The following CCDC14 variants were observed in gnomAD, a reference collection of about 807,000 sequenced individuals.
CCDC14 encodes coiled-coil domain containing 14.
CCDC14 carries 71 observed loss-of-function variants against 81.4 expected under a neutral mutation model. The observed-to-expected ratio is 0.87, with a 90% confidence interval of 0.72 to 1.06. The LOEUF is 1.06. CCDC14 is among the 50% of genes least tolerant of loss of function. The pLI, the probability that CCDC14 is intolerant of heterozygous loss-of-function variation, is 0.00. For synonymous variants in CCDC14, 332 were observed against 364.8 expected (o/e 0.91, Z 1.03); for missense variants, 1,046 against 1,047.3 (o/e 1.00, Z 0.02).
intron 5 of CCDC14, chr3:123,952,870 T>C: frequency 9.4e-6 from 2 of 212,250 alleles, no homozygotes; most frequent in South Asian, 1.4e-4. Context: ...AGCAAAATCT[T>C]GTATTATTGG....
Position 123,913,832 on chromosome 3 carries a change from AAG to A in CCDC14, c.*945_*946del. The A allele has an allele frequency of 1.0e-6, 1 of 985,372 alleles. No individual in the cohort carries two copies. The highest frequency in any genetic ancestry group is 1.2e-6 in the Non-Finnish European group (1 of 829,904). The allele number at this position is 985,372 out of a possible 1,614,324, so 61.0% of individuals were successfully genotyped here. A position where few individuals can be genotyped will look rare whatever the true frequency, so the allele number is the denominator to read the frequency against. On this transcript the variant is annotated 3_prime_UTR_variant, in exon 13 of 13. Transcript: ENST00000409697. ...GTGATAACACAACATTCAGCTTCCTAAGAGTTAAAACGTGCTGCTTACATGAA... is the reference window on the plus strand; with the variant it reads ...GTGATAACACAACATTCAGCTTCCTAAGTTAAAACGTGCTGCTTACATGAA...
At chr3:123,922,800 G>T (rs2035131021) in intron 12 of CCDC14, among the ~76,000 whole-genome samples, 1 of 152,032 alleles carries the variant, frequency 6.6e-6, no homozygotes, top group Non-Finnish European at 1.5e-5. Context: ...TTTAAAGAAG[G>T]ATTGAGAATA....
chr3:123,954,605 G>A (rs1577336754), intron 5 of CCDC14: 1 of 151,918 alleles, frequency 6.6e-6, no homozygotes, highest in East Asian at 1.9e-4. Context: ...ATAAATAACT[G>A]AAATTTTGTA....
chr3:123,906,394 A>C (rs2034311534), intron 5 of CCDC14, among the ~76,000 whole-genome samples: 1 of 150,946 alleles, frequency 6.6e-6, no homozygotes, highest in Non-Finnish European at 1.5e-5. Flanking sequence ...ACATCAGGAA[A>C]CTTCCTCTAG....
chr3:123,923,384 C>T (rs2148819890), intron 12 of CCDC14, among the ~76,000 whole-genome samples: 1 of 151,888 alleles, frequency 6.6e-6, no homozygotes, highest in East Asian at 1.9e-4. Context: ...GGTAAGAAGG[C>T]CCACTCTCAC....
rs1368594899 is a variant in CCDC14, at chr3:123,926,826, G to A, written c.1778+4276C>T. Among the ~76,000 whole-genome samples the A allele has an allele frequency of 5.3e-5, 8 of 152,034 alleles. No individual in the cohort carries two copies. The South Asian group carries it at 6.2e-4, about 12-fold the overall frequency. On this transcript the variant is annotated intron_variant, in intron 12 of 12. Transcript: ENST00000409697. Reference sequence around the variant, plus strand: ...CAGAAATTTTACAAAATCTCTTTTCGGAGATTATTTAAAACACACATACCA... The same window carrying A: ...CAGAAATTTTACAAAATCTCTTTTCAGAGATTATTTAAAACACACATACCA...
chr3:123,932,441 T>C (rs2035790338), intron 10 of CCDC14, among the ~76,000 whole-genome samples: 1 of 152,172 alleles, frequency 6.6e-6, no homozygotes, highest in Non-Finnish European at 1.5e-5. Context: ...TCATATTTTT[T>C]TCTTATTGAT....
rs1301438531 is a variant in CCDC14 at position 123,914,956 on chromosome 3, G to C, written c.2541C>G (p.Gly847=). 6.2e-7 allele frequency: 1 copy of C among 1,613,900 alleles called. No individual in the cohort carries two copies. Among genetic ancestry groups the C allele is most frequent in the Non-Finnish European group, 8.5e-7 (1 of 1,179,896 alleles). The change falls in exon 13 of 13, where the codon GGC becomes GGG. Residue 847 remains glycine (G), a synonymous_variant. Transcript: ENST00000409697. ...GCLSNSLQVK[G]NTVCDGSVFT... Reference sequence around the variant, plus strand: ...AAACACTACCATCACAGACAGTATTGCCTTTCACTTGAAGGCTGTTGCTAA... The same window carrying C: ...AAACACTACCATCACAGACAGTATTCCCTTTCACTTGAAGGCTGTTGCTAA...
chr3:123,956,618 T>C (rs2037340766), intron 2 of CCDC14, 122 bp downstream of exon 2: 2 of 801,468 alleles, frequency 2.5e-6, no homozygotes, highest in Non-Finnish European at 4.0e-6. Flanking sequence ...TGAAAAATTG[T>C]TCCTCAGAGC....
downstream of CCDC14, among the ~76,000 whole-genome samples, chr3:123,894,115 C>A (rs1410448281): frequency 6.6e-6 from 1 of 152,160 alleles, no homozygotes; most frequent in Non-Finnish European, 1.5e-5. Flanking sequence ...AAATTTAGGT[C>A]TTTCATCCAT....
chr3:123,901,043 C>G (rs1184403326), intron 5 of CCDC14, among the ~76,000 whole-genome samples: 1 of 151,970 alleles, frequency 6.6e-6, no homozygotes, highest in Non-Finnish European at 1.5e-5. Context: ...ACCATCCTGG[C>G]TAACACGGTG....
At chr3:123,933,926 C>T (rs1356834231) in intron 9 of CCDC14, among the ~76,000 whole-genome samples, 171 bp from the exon 10 acceptor site, 1 of 152,104 alleles carries the variant, frequency 6.6e-6, no homozygotes, top group Admixed American at 6.5e-5. Flanking sequence ...AACCATACTA[C>T]TATTATTATG....
At chr3:123,918,933 C>T (rs1453630569) in intron 12 of CCDC14, among the ~76,000 whole-genome samples, 1 of 152,164 alleles carries the variant, frequency 6.6e-6, no homozygotes, top group Non-Finnish European at 1.5e-5. Context: ...ACTATCACAT[C>T]CAAGCCTTCC....
At chr3:123,948,468 C>T (rs559285902) in intron 7 of CCDC14, among the ~76,000 whole-genome samples, 5 of 152,182 alleles carry the variant, frequency 3.3e-5, no homozygotes, top group African/African-American at 1.2e-4. Flanking sequence ...TCTTGAACTC[C>T]AGACCTCGTG....
chr3:123,942,952 T>C (rs1316189141), intron 9 of CCDC14, among the ~76,000 whole-genome samples: 2 of 152,064 alleles, frequency 1.3e-5, no homozygotes, highest in African/African-American at 4.8e-5. Flanking sequence ...CTTTTTTCTA[T>C]GTCTAAGTGT....
downstream of CCDC14, among the ~76,000 whole-genome samples, chr3:123,909,085 G>T (rs1256494791): frequency 1.3e-5 from 2 of 152,002 alleles, no homozygotes; most frequent in Non-Finnish European, 2.9e-5. Flanking sequence ...GGTCTGTTCT[G>T]CTTGTTTTGG....
At chr3:123,954,141 C>G (rs376097471) in intron 5 of CCDC14, 4 of 152,248 alleles carry the variant, frequency 2.6e-5, no homozygotes, top group African/African-American at 7.2e-5. Flanking sequence ...AACCTGCCTA[C>G]AGACAAAAAG....
At chr3:123,933,487 C>G in intron 10 of CCDC14, 186 bp downstream of exon 10, 1 of 572,628 alleles carries the variant, frequency 1.7e-6, no homozygotes, top group Admixed American at 3.2e-5. Context: ...GAAACACACT[C>G]CTGTATTTCA....
chr3:123,955,153 A>G (rs1331364601), intron 5 of CCDC14: 1 of 152,204 alleles, frequency 6.6e-6, no homozygotes, highest in Admixed American at 6.5e-5. Flanking sequence ...CACGTACTAC[A>G]GTGCTGACAT....
Sources: gnomAD v4.1 joint callset for allele counts (sites outside exome capture counted in the v4.1 genomes callset) on GRCh38, gnomAD v4.1.1 for gene constraint, MANE v1.5 for transcripts, NCBI Gene and HGNC (gene_info 2026-07-23, HGNC 2026-07-21) for gene names.